Variants in CPNE1 observed in about 807,000 individuals in gnomAD.
CPNE1 encodes the protein copine 1, also known as copine-1.
A neutral mutation model predicts 63.2 loss-of-function variants in CPNE1; 58 were observed. That is an observed-to-expected ratio of 0.92 (90% CI 0.74 to 1.14). CPNE1 has a LOEUF of 1.14. Ranked by LOEUF, CPNE1 falls within the 50% of genes most tolerant of loss-of-function variation. The probability of loss-of-function intolerance (pLI) is 0.00; values close to 1 mark genes in which losing one functional copy is unlikely to be tolerated. For synonymous variants in CPNE1, 237 were observed against 249.0 expected (o/e 0.95, Z 0.45); for missense variants, 672 against 661.7 (o/e 1.02, Z -0.17).
At chr20:35,633,983 C>T (rs1298151484) in intron 1 of CPNE1, among the ~76,000 whole-genome samples, 32 of 145,142 alleles carry the variant, frequency 2.2e-4, no homozygotes, top group Admixed American at 5.5e-4. Flanking sequence ...AAAAAAAGGC[C>T]GGGGACGGTG....
At chr20:35,629,897 G>A (rs772073600) in intron 13 of CPNE1, among the ~76,000 whole-genome samples, 7 of 152,174 alleles carry the variant, frequency 4.6e-5, no homozygotes, top group Non-Finnish European at 1.0e-4. Context: ...GGGCTCAAGC[G>A]ATCCACCCAC....
intron 1 of CPNE1, chr20:35,649,188 C>G (rs2033329893): frequency 6.6e-6 from 1 of 152,206 alleles, no homozygotes; most frequent in Non-Finnish European, 1.5e-5. Flanking sequence ...GTGACCACTT[C>G]CAGAAATTCT....
At chr20:35,648,310 A>G (rs1178548932) in intron 1 of CPNE1, among the ~76,000 whole-genome samples, 2 of 152,226 alleles carry the variant, frequency 1.3e-5, no homozygotes, top group African/African-American at 4.8e-5. Context: ...ATACCCTGTA[A>G]AAGCTCTACT....
At chr20:35,628,241 C>T (rs527279362) in intron 13 of CPNE1, among the ~76,000 whole-genome samples, 11 of 151,366 alleles carry the variant, frequency 7.3e-5, no homozygotes, top group Admixed American at 2.0e-4. Flanking sequence ...GCCAAGATCG[C>T]GCCACCGCAT....
chr20:35,632,765 C>T (rs1404771070), intron 2 of CPNE1, 30 bp downstream of exon 2: 8 of 871,740 alleles, frequency 9.2e-6, no homozygotes, highest in Non-Finnish European at 1.6e-5. Context: ...AGCCTCCCTC[C>T]ACAACCTTAA....
intron 1 of CPNE1, among the ~76,000 whole-genome samples, chr20:35,662,826 A>C (rs35879157): frequency 0.038 from 5,733 of 152,322 alleles, 371 homozygotes; most frequent in African/African-American, 0.13. Context: ...AAGGTGAAAG[A>C]AGCCCAAAGA....
intron 1 of CPNE1, among the ~76,000 whole-genome samples, chr20:35,637,550 G>A (rs2032556865): frequency 6.6e-6 from 1 of 152,044 alleles, no homozygotes; most frequent in Non-Finnish European, 1.5e-5. Context: ...TGTCATCCAT[G>A]GTTCTAATAT....
At chr20:35,653,171 C>T in intron 1 of CPNE1, 2 of 1,613,534 alleles carry the variant, frequency 1.2e-6, no homozygotes, top group Non-Finnish European at 1.7e-6. Flanking sequence ...AATGGAGGCC[C>T]ATTATTGGCT....
chr20:35,663,258 T>G (rs866316067), intron 1 of CPNE1, among the ~76,000 whole-genome samples: 1 of 152,202 alleles, frequency 6.6e-6, no homozygotes, highest in South Asian at 2.1e-4. Context: ...AGTTCTATAA[T>G]TTAAAAAACA....
chr20:35,626,516 T>C (rs767514121), intron 15 of CPNE1, 51 bp downstream of exon 15: 1 of 1,597,792 alleles, frequency 6.3e-7, no homozygotes, highest in Non-Finnish European at 8.6e-7. Flanking sequence ...CCTACTCACA[T>C]CAGGGAAAGG....
Position 35,631,981 on chromosome 20 carries a change from CTGGCGGAA to C in CPNE1, c.493_500del (p.Phe165GlyfsTer2), listed in dbSNP as rs1908152791. On this transcript the variant is annotated frameshift_variant, in exon 6 of 16. Coordinates refer to ENST00000397443, the MANE Select transcript of CPNE1 (RefSeq NM_152925.3). LOFTEE classifies it high-confidence loss of function. ...ACACCAGGTGCCATTTCCCATCACC[CTGGCGGAA>C]GAACTCCAGAAATGGATCTGATTTT... The C allele has an allele frequency of 6.2e-7, 1 of 1,614,142 alleles. No individual in the cohort carries two copies. Among genetic ancestry groups the C allele is most frequent in the Non-Finnish European group, 8.5e-7 (1 of 1,180,014 alleles).
chr20:35,629,270 C>T (rs1267835549), intron 13 of CPNE1, among the ~76,000 whole-genome samples: 2 of 152,224 alleles, frequency 1.3e-5, no homozygotes, highest in African/African-American at 2.4e-5. Flanking sequence ...TAAGTCTGAA[C>T]TTATGTTGAA....
intron 1 of CPNE1, chr20:35,664,351 C>T (rs1269123332): frequency 6.6e-6 from 1 of 152,282 alleles, no homozygotes; most frequent in African/African-American, 2.4e-5. Flanking sequence ...CTACGATTAT[C>T]TCCCCACCTC....
chr20:35,661,189 T>C (rs2034213647), intron 1 of CPNE1, among the ~76,000 whole-genome samples: 1 of 152,236 alleles, frequency 6.6e-6, no homozygotes, highest in Non-Finnish European at 1.5e-5. Context: ...CTTGGTATTA[T>C]ACCTCTTCAA....
intron 1 of CPNE1, among the ~76,000 whole-genome samples, chr20:35,662,256 A>G (rs2034272912): frequency 6.6e-6 from 1 of 152,238 alleles, no homozygotes; most frequent in Non-Finnish European, 1.5e-5. Context: ...AAATGCCAAC[A>G]AAAATGTTGC....
At chr20:35,652,289 T>C in intron 1 of CPNE1, 1 of 454,360 alleles carries the variant, frequency 2.2e-6, no homozygotes, top group Admixed American at 3.8e-5. Flanking sequence ...TCTCTAATGG[T>C]ATGCCAAAAT....
intron 1 of CPNE1, chr20:35,643,050 C>G (rs2032899696): frequency 6.6e-6 from 1 of 152,266 alleles, no homozygotes; most frequent in African/African-American, 2.4e-5. Flanking sequence ...CACTGTACAA[C>G]TAACTCTTCA....
At chr20:35,632,480 C>A (rs2032219589) in intron 3 of CPNE1, 37 bp downstream of exon 3, 3 of 1,610,078 alleles carry the variant, frequency 1.9e-6, no homozygotes, top group Non-Finnish European at 1.7e-6. Context: ...TCTCACAGAC[C>A]TGCATCTGAA....
At chr20:35,638,678 A>G (rs2032628603) in intron 1 of CPNE1, among the ~76,000 whole-genome samples, 1 of 152,250 alleles carries the variant, frequency 6.6e-6, no homozygotes, top group African/African-American at 2.4e-5. Context: ...TATGTCCACA[A>G]AGATTTGTAT....
Sources: gnomAD v4.1 joint callset for allele counts (sites outside exome capture counted in the v4.1 genomes callset) on GRCh38, gnomAD v4.1.1 for gene constraint, MANE v1.5 for transcripts, NCBI Gene and HGNC (gene_info 2026-07-23, HGNC 2026-07-21) for gene names.